The following SALL1 variants were observed in gnomAD, a reference collection of about 807,000 sequenced individuals.
SALL1 encodes sal-like protein 1.
SALL1 carries 10 observed loss-of-function variants against 73.1 expected under a neutral mutation model. That is an observed-to-expected ratio of 0.14 (90% CI 0.08 to 0.23). The LOEUF is 0.23. Ranked by LOEUF, SALL1 falls within the 10% of genes least tolerant of loss-of-function variation. SALL1 has a pLI of 1.00. For synonymous variants in SALL1, 688 were observed against 689.8 expected (o/e 1.00, Z 0.04); for missense variants, 1,520 against 1,697.3 (o/e 0.90, Z 1.84).
chr16:51,141,706 G>C lies in SALL1; in HGVS notation c.516C>G (p.Ile172Met). Residue 172 changes from isoleucine (I) to methionine (M), a missense_variant, in exon 2 of 3, where the codon ATC becomes ATG. Around this residue, in one of 7 missense-constraint regions of SALL1, gnomAD observed 540 missense variants for 567.5 expected, o/e 0.95. Coordinates refer to ENST00000251020, the MANE Select transcript of SALL1 (RefSeq NM_002968.3). This position sits in a 1 kb window ranked among gnomAD's most constrained non-coding sequence, Gnocchi z 5.4. ...CCCCGAGTTGAGGTAGAGAGGTTGT[G>C]ATCGCTGAGGTACCTGTGGAGGAGC... is the stretch of plus-strand genomic sequence containing the variant. The part of the protein sequence containing the change: ...GGSSSTGTSA[I>M]TTSLPQLGDL... 6.2e-7 allele frequency: 1 copy of C among 1,613,616 alleles called. No individual in the cohort carries two copies. Among genetic ancestry groups the C allele is most frequent in the Non-Finnish European group, 8.5e-7 (1 of 1,180,014 alleles).
chr16:51,148,422 T>G (rs1447258043), intron 1 of SALL1, among the ~76,000 whole-genome samples: 1 of 152,270 alleles, frequency 6.6e-6, no homozygotes, highest in Non-Finnish European at 1.5e-5. Context: ...GTATGTTTCA[T>G]ATTTCATTTG....
chr16:51,137,208 G>A lies in SALL1; in HGVS notation c.3879C>T (p.Pro1293=). The change falls in exon 3 of 3, where the codon CCC becomes CCT. Residue 1293 remains proline (P), a synonymous_variant. Coordinates refer to ENST00000251020, the MANE Select transcript of SALL1 (RefSeq NM_002968.3). ...ERLQNSEPNA[P]LAGLEKMASS... Reference sequence around the variant, plus strand: ...TTGCCATTTTCTCCAGGCCGGCCAGGGGAGCATTGGGCTCTGAGTTCTGGA... The same window carrying A: ...TTGCCATTTTCTCCAGGCCGGCCAGAGGAGCATTGGGCTCTGAGTTCTGGA... 1.2e-6 allele frequency: 2 copies of A among 1,614,158 alleles called. No individual in the cohort carries two copies. Among genetic ancestry groups the A allele is most frequent in the African/African-American group, 1.3e-5 (1 of 75,038 alleles).
At position 51,139,939 on chromosome 16, in the gene SALL1, C is replaced by A. The variant is rs774128799; in HGVS notation, c.2283G>T (p.Pro761=). 6.2e-7 allele frequency: 1 copy of A among 1,614,088 alleles called. No individual in the cohort carries two copies. The highest frequency in any genetic ancestry group is 8.5e-7 in the Non-Finnish European group (1 of 1,180,004). ...THYSVHRAMP[P]LRVQHSCPIC... is the part of the protein sequence containing the mutation. Reference sequence around the variant, plus strand: ...TGGGGCAGGAATGCTGGACTCTGAGCGGGGGCATAGCACGATGGACACTGT... The same window carrying A: ...TGGGGCAGGAATGCTGGACTCTGAGAGGGGGCATAGCACGATGGACACTGT... The change falls in exon 2 of 3, where the codon CCG becomes CCT. Residue 761 remains proline, a synonymous_variant. Transcript: ENST00000251020.
rs770459104 is a variant in SALL1 at position 51,140,704 on chromosome 16, G to C, written c.1518C>G (p.Ile506Met). ...FQRHKEKYPH[I>M]QMNPYPVPEH... ...CAGGCACAGGATAGGGGTTCATCTG[G>C]ATATGAGGGTATTTCTCTTTGTGGC... is the stretch of plus-strand genomic sequence containing the variant. Residue 506 changes from isoleucine to methionine, a missense_variant, in exon 2 of 3, where the codon ATC becomes ATG. Physicochemically the swap from Ile to Met is conservative, Grantham distance 10 (BLOSUM62 1). This residue lies in a region of SALL1 where 276 missense variants were observed against 259.1 expected (regional missense o/e 1.07). Coordinates refer to ENST00000251020, the MANE Select transcript of SALL1 (RefSeq NM_002968.3). This position sits in a 1 kb window ranked among gnomAD's most constrained non-coding sequence, Gnocchi z 5.7. 2 of 1,614,036 alleles carry C rather than the reference G, an allele frequency of 1.2e-6. No individual in the cohort carries two copies. Among genetic ancestry groups the C allele is most frequent in the African/African-American group, 2.7e-5 (2 of 74,908 alleles).
In SALL1 at chr16:51,140,204, T is replaced by C. The variant is rs765581420; in HGVS notation, c.2018A>G (p.Lys673Arg). Residue 673 changes from lysine (K) to arginine (R), a missense_variant, in exon 2 of 3, where the codon AAG (lysine) becomes AGG (arginine). This residue lies in a region of SALL1 where 276 missense variants were observed against 259.1 expected (regional missense o/e 1.07). Transcript: ENST00000251020. This position sits in a 1 kb window ranked among gnomAD's most constrained non-coding sequence, Gnocchi z 5.7. ...GTCCAGGAGTCCCCCAAAAGGAAAC[T>C]TGGCCTTGAACTGCTCGGACATGAG... ...LPLMSEQFKA[K>R]FPFGGLLDSA... 42 of 1,614,060 alleles carry C rather than the reference T, an allele frequency of 2.6e-5. No homozygotes were observed. Among genetic ancestry groups the C allele is most frequent in the Admixed American group, 1.8e-4 (11 of 60,004 alleles).
rs1411179643 is a variant in SALL1, at chr16:51,141,475, C to G, written c.747G>C (p.Gln249His). 1 of 1,614,048 alleles carries G rather than the reference C, an allele frequency of 6.2e-7. No individual in the cohort carries two copies. Among genetic ancestry groups the G allele is most frequent in the Non-Finnish European group, 8.5e-7 (1 of 1,180,046 alleles). ...QQIHQLQLIE[Q>H]IRHQILLLAS... ...CCAACAGCAATATTTGGTGACGAATCTGTTCGATCAATTGCAGCTGGTGGA... is the reference window on the plus strand; with the variant it reads ...CCAACAGCAATATTTGGTGACGAATGTGTTCGATCAATTGCAGCTGGTGGA... Residue 249 changes from glutamine (Q) to histidine (H), a missense_variant, in exon 2 of 3, where the codon CAG becomes CAC. By Grantham distance (24) the Gln-to-His change is conservative (BLOSUM62 0). Transcript: ENST00000251020. This position sits in a 1 kb window ranked among gnomAD's most constrained non-coding sequence, Gnocchi z 5.4.
chr16:51,148,587 G>A (rs180786906), intron 1 of SALL1, among the ~76,000 whole-genome samples: 30 of 152,310 alleles, frequency 2.0e-4, no homozygotes, highest in Non-Finnish European at 4.0e-4. Context: ...TATATGTGGG[G>A]AGAAGAATGA....
Position 51,140,966 on chromosome 16 carries a change from A to G in SALL1, c.1256T>C (p.Leu419Ser). Reference sequence around the variant, plus strand: ...TTTTCTTTGCTGGGCCAAGGCAGACAAGGAGTTTAAATCCTCTGCAGTTGT... The same window carrying G: ...TTTTCTTTGCTGGGCCAAGGCAGACGAGGAGTTTAAATCCTCTGCAGTTGT... ...IGTTAEDLNS[L>S]SALAQQRKSK... Residue 419 changes from leucine (L) to serine (S), a missense_variant, in exon 2 of 3, where the codon TTG becomes TCG. By Grantham distance (145) the Leu-to-Ser change is moderately radical. Transcript: ENST00000251020. This position sits in a 1 kb window ranked among gnomAD's most constrained non-coding sequence, Gnocchi z 5.7. The G allele has an allele frequency of 6.2e-7, 1 of 1,614,228 alleles. No individual in the cohort carries two copies. Among genetic ancestry groups the G allele is most frequent in the Non-Finnish European group, 8.5e-7 (1 of 1,180,044 alleles).
At position 51,140,491 on chromosome 16, in the gene SALL1, G is replaced by T; in HGVS notation, c.1731C>A (p.Pro577=). Residue 577 remains proline, a synonymous_variant, in exon 2 of 3, where the codon CCC becomes CCA. Coordinates refer to ENST00000251020, the MANE Select transcript of SALL1 (RefSeq NM_002968.3). This position sits in a 1 kb window ranked among gnomAD's most constrained non-coding sequence, Gnocchi z 5.7. ...TGGTGGCAGAATGGCTGATGGGGAT[G>T]GGGGCTGGCTCTTCCGTCTTGATGA... The part of the protein sequence containing the change: ...IPFIKTEEPA[P]IPISHSATSP... 3 of 1,613,912 alleles carry T rather than the reference G, an allele frequency of 1.9e-6. No homozygotes were observed. Among genetic ancestry groups the T allele is most frequent in the East Asian group, 2.2e-5 (1 of 44,862 alleles).
Position 51,138,855 on chromosome 16 carries a change from G to C in SALL1, c.3367C>G (p.Leu1123Val). 1 of 1,614,248 alleles carries C rather than the reference G, an allele frequency of 6.2e-7. No homozygotes were observed. The highest frequency in any genetic ancestry group is 8.5e-7 in the Non-Finnish European group (1 of 1,180,040). ...GGAGTTCTCCTGGGCAGAGCAGGGA[G>C]CAGAACTGGGGATGTGGCAGAGGAA... ...LSSSATSPVL[L>V]PALPRRTPKQ... The change falls in exon 2 of 3, where the codon CTC becomes GTC. Residue 1123 changes from leucine to valine, a missense_variant. This residue lies in a region of SALL1 where 318 missense variants were observed against 357.1 expected (regional missense o/e 0.89). Transcript: ENST00000251020.
In SALL1 at chr16:51,137,091, A is replaced by G. The variant is rs1962312675; in HGVS notation, c.*21T>C. 1.2e-6 allele frequency: 2 copies of G among 1,613,548 alleles called. No homozygotes were observed. Among genetic ancestry groups the G allele is most frequent in the East Asian group, 4.5e-5 (2 of 44,880 alleles). ...CGCATTCTGAACAGGAATGAATGCT[A>G]TGTCTCCAGCCCGAGCTGCTTTAAC... On this transcript the variant is annotated 3_prime_UTR_variant, in exon 3 of 3. Transcript: ENST00000251020.
chr16:51,137,482 G>C lies in SALL1; in HGVS notation c.3605C>G (p.Pro1202Arg), dbSNP rs1463137544. ...GGGATTGCCTCCTAGAAATGTCATGGGGCCATCCACAGAGAGCCGCCGACC... is the reference window on the plus strand; with the variant it reads ...GGGATTGCCTCCTAGAAATGTCATGCGGCCATCCACAGAGAGCCGCCGACC... ...RRGRRLSVDG[P>R]MTFLGGNPVK... The change falls in exon 3 of 3, where the codon CCC becomes CGC. Residue 1202 changes from proline to arginine, a missense_variant. By Grantham distance (103) the Pro-to-Arg change is moderately radical. Transcript: ENST00000251020. 3 of 1,614,004 alleles carry C rather than the reference G, an allele frequency of 1.9e-6. No homozygotes were observed. The highest frequency in any genetic ancestry group is 2.2e-5 in the South Asian group (2 of 91,046).
Position 51,137,863 on chromosome 16 carries a change from G to A in SALL1, c.3535-311C>T, listed in dbSNP as rs139118008. ...CTTATAATGGCCTCAAGCAAGCCAG[G>A]CAGTGGCGGATAGCTCCTTTCAGGG... On this transcript the variant is annotated intron_variant, in intron 2 of 2. Transcript: ENST00000251020. Among the ~76,000 whole-genome samples the A allele has an allele frequency of 2.7e-4, 41 of 152,282 alleles. No homozygotes were observed. In the East Asian group the frequency reaches 6.8e-3, roughly 25 times the overall value.
chr16:51,139,608 T>C lies in SALL1; in HGVS notation c.2614A>G (p.Met872Val), dbSNP rs1962375304. The C allele has an allele frequency of 2.5e-6, 4 of 1,613,570 alleles. No individual in the cohort carries two copies. The East Asian group carries it at 8.9e-5, about 36-fold the overall frequency. Residue 872 changes from methionine (M) to valine (V), a missense_variant, in exon 2 of 3, where the codon ATG (methionine) becomes GTG (valine). Met to Val is a conservative substitution (Grantham distance 21). This residue lies in a region of SALL1 where 266 missense variants were observed against 275.1 expected (regional missense o/e 0.97). Transcript: ENST00000251020. ...TGCTCTGCCAGGCCAGCATTGATCA[T>C]CTTCATCTGATTTTCCAAAGCAGCG... ...SIAALENQMKMINAGLAEQLQ... is the reference protein window; with the variant it reads ...SIAALENQMKVINAGLAEQLQ...
intron 1 of SALL1, chr16:51,150,826 T>A: frequency 4.3e-6 from 1 of 230,964 alleles, no homozygotes; most frequent in South Asian, 1.7e-4. Flanking sequence ...CCACGCCTCA[T>A]GGGGCTCCCG....
upstream of SALL1, chr16:51,152,158 GA>G (rs939610856): frequency 7.9e-5 from 12 of 152,184 alleles, no homozygotes; most frequent in African/African-American, 2.9e-4. Context: ...GGGGCGCGGA[GA>G]AGAGGATCCA....
At chr16:51,146,194 G>C (rs1962515617) in intron 1 of SALL1, among the ~76,000 whole-genome samples, 1 of 152,042 alleles carries the variant, frequency 6.6e-6, no homozygotes, top group South Asian at 2.1e-4. Context: ...TTCACTCACT[G>C]TTCTGACGGG....
chr16:51,142,644 A>AT (rs546446531), intron 1 of SALL1, among the ~76,000 whole-genome samples: 323 of 152,304 alleles, frequency 2.1e-3, no homozygotes, highest in African/African-American at 7.5e-3. Flanking sequence ...AAAAAAATGC[A>AT]TATCACCAAG....
chr16:51,140,289 G>C lies in SALL1; in HGVS notation c.1933C>G (p.Pro645Ala). Residue 645 changes from proline to alanine, a missense_variant, in exon 2 of 3, where the codon CCA becomes GCA. Pro to Ala is a conservative substitution (Grantham distance 27, BLOSUM62 -1). Transcript: ENST00000251020. The surrounding 1 kb of genome is among the most constrained non-coding windows in gnomAD (Gnocchi z 5.7). ...CCCGCGGGGCCGCAGTCTGCCGCTG[G>C]GGAGCTCAGGACGCTACTGCTCGCC... is the stretch of plus-strand genomic sequence containing the variant. ...PTASSSVLSS[P>A]AADCGPAGSA... 6.2e-7 allele frequency: 1 copy of C among 1,614,156 alleles called. No homozygotes were observed. Among genetic ancestry groups the C allele is most frequent in the Non-Finnish European group, 8.5e-7 (1 of 1,180,052 alleles).
Sources: gnomAD v4.1 joint callset for allele counts (sites outside exome capture counted in the v4.1 genomes callset) on GRCh38, gnomAD v4.1.1 for gene constraint, gnomAD v4.1.1 regional missense constraint, Gnocchi (gnomAD v3.1) non-coding constraint, MANE v1.5 for transcripts, NCBI Gene and HGNC (gene_info 2026-07-23, HGNC 2026-07-21) for gene names.